The following EARS2 variants were observed in gnomAD, a reference collection of about 807,000 sequenced individuals.
EARS2 encodes the protein glutamyl-tRNA synthetase 2, mitochondrial, also known as nondiscriminating glutamyl-tRNA synthetase EARS2, mitochondrial.
In EARS2, 50 loss-of-function variants were observed where a neutral mutation model predicts 54.1. That is an observed-to-expected ratio of 0.92 (90% CI 0.74 to 1.17). EARS2 has a LOEUF of 1.17. Ranked by LOEUF, EARS2 falls within the 50% of genes most tolerant of loss-of-function variation. EARS2 has a pLI of 0.00. For missense variants in EARS2, 673 were observed against 675.0 expected, an observed-to-expected ratio of 1.00 and a Z score of 0.03; for synonymous variants, 298 against 281.0, an observed-to-expected ratio of 1.06 and a Z score of -0.61.
chr16:23,528,965 G>A (rs112366624), intron 7 of EARS2, among the ~76,000 whole-genome samples: 2,240 of 152,306 alleles, frequency 0.015, 23 homozygotes, highest in South Asian at 0.019. Flanking sequence ...CAGCATCGGC[G>A]AGTAGGGGCA....
chr16:23,526,302 G>A (rs916705270), intron 7 of EARS2, among the ~76,000 whole-genome samples: 3 of 151,914 alleles, frequency 2.0e-5, no homozygotes, highest in African/African-American at 7.3e-5. Context: ...AGTAGAGACA[G>A]GGTTTTACCA....
chr16:23,521,109 A>T lies in EARS2; in HGVS notation c.*3262T>A, dbSNP rs549035987. Among the ~76,000 whole-genome samples the T allele has an allele frequency of 1.3e-5, 2 of 152,248 alleles. No homozygotes were observed. The highest frequency in any genetic ancestry group is 2.4e-5 in the African/African-American group (1 of 41,558). On this transcript the variant is annotated 3_prime_UTR_variant, in exon 9 of 9. Coordinates refer to ENST00000449606, the MANE Select transcript of EARS2 (RefSeq NM_001083614.2). ...GCCCAGCTCTAATTTAGTATTTTTT[A>T]AAAACTGTGGTAAAATACAGAAAAA...
chr16:23,542,543 T>C (rs993989083), intron 3 of EARS2, among the ~76,000 whole-genome samples: 2 of 151,080 alleles, frequency 1.3e-5, no homozygotes, highest in Non-Finnish European at 3.0e-5. Flanking sequence ...CCTGAACTCT[T>C]GACCTCGTGA....
chr16:23,533,247 G>A (rs1965356168), intron 4 of EARS2, among the ~76,000 whole-genome samples: 1 of 152,160 alleles, frequency 6.6e-6, no homozygotes, highest in African/African-American at 2.4e-5. Flanking sequence ...TTGTGCCGTT[G>A]CACTCCAGCC....
Position 23,552,207 on chromosome 16 carries a change from A to T in EARS2, c.237T>A (p.Asp79Glu), listed in dbSNP as rs1965707929. The change falls in exon 2 of 9, where the codon GAT becomes GAA. Residue 79 changes from aspartate (D) to glutamate (E), a missense_variant. Physicochemically the swap from Asp to Glu is conservative, Grantham distance 45. Around this residue, in one of 3 missense-constraint regions of EARS2, gnomAD observed 316 missense variants for 275.2 expected, o/e 1.15. Coordinates refer to ENST00000449606, the MANE Select transcript of EARS2 (RefSeq NM_001083614.2). The stretch of plus-strand genomic sequence containing the variant: ...CTGCCCCAGGCACAACGCGAGTCTG[A>T]TCTGTGTCCTCTAGCCTCAGGATGA... ...GSFILRLEDTDQTRVVPGAAE... is the reference protein window; with the variant it reads ...GSFILRLEDTEQTRVVPGAAE... The T allele has an allele frequency of 6.2e-7, 1 of 1,614,072 alleles. No individual in the cohort carries two copies. Among genetic ancestry groups the T allele is most frequent in the African/African-American group, 1.3e-5 (1 of 74,942 alleles).
intron 3 of EARS2, 112 bp downstream of exon 3, chr16:23,544,401 CT>C (rs1195878420): frequency 8.9e-7 from 1 of 1,121,430 alleles, no homozygotes; most frequent in Non-Finnish European, 1.2e-6. Context: ...GCTCAGATGC[CT>C]GACCCACAGA....
intron 5 of EARS2, 109 bp downstream of exon 5, chr16:23,532,548 C>T (rs1044582587): frequency 1.5e-4 from 104 of 686,978 alleles, no homozygotes; most frequent in Non-Finnish European, 2.4e-4. Flanking sequence ...GTGATTTAGC[C>T]ATGGTCACAC....
intron 1 of EARS2, among the ~76,000 whole-genome samples, chr16:23,554,413 T>C (rs1025487917): frequency 5.3e-5 from 8 of 152,220 alleles, no homozygotes; most frequent in African/African-American, 1.9e-4. Flanking sequence ...CTCCTAAGAT[T>C]TGCCTTTTTC....
At chr16:23,527,007 G>C (rs959799219) in intron 7 of EARS2, among the ~76,000 whole-genome samples, 2 of 151,930 alleles carry the variant, frequency 1.3e-5, no homozygotes, top group African/African-American at 4.8e-5. Context: ...CTGTCACCTA[G>C]GCTGGAATGC....
chr16:23,543,265 T>A lies in EARS2; in HGVS notation c.485+1249A>T, dbSNP rs551301706. 4.8e-5 allele frequency among the ~76,000 whole-genome samples: 7 copies of A among 146,338 alleles called. No individual in the cohort carries two copies. The South Asian group carries it at 6.5e-4, about 14-fold the overall frequency. ...GAGATCCCCATCTTTATGAAAAGTT[T>A]AAAAAAAAAAATTAGCCAGGAGTAC... On this transcript the variant is annotated intron_variant, in intron 3 of 8. Transcript: ENST00000449606.
chr16:23,544,796 T>C, intron 2 of EARS2, 93 bp from the exon 3 acceptor site: 1 of 1,164,976 alleles, frequency 8.6e-7, no homozygotes, highest in Non-Finnish European at 1.2e-6. Flanking sequence ...AAAGCTTTAA[T>C]CCTCATAACA....
intron 7 of EARS2, 114 bp from the exon 8 acceptor site, chr16:23,525,493 C>CA (rs774863780): frequency 1.4e-5 from 18 of 1,244,876 alleles, no homozygotes; most frequent in Non-Finnish European, 1.6e-5. Flanking sequence ...AACCAATGTT[C>CA]AAGCCTGTTT....
intron 3 of EARS2, among the ~76,000 whole-genome samples, chr16:23,535,892 C>T (rs747746586): frequency 1.3e-5 from 2 of 152,168 alleles, no homozygotes; most frequent in Admixed American, 6.5e-5. Context: ...CTTGGACCTG[C>T]GGCAGCTACT....
chr16:23,527,130 T>C (rs1221798698), intron 7 of EARS2, among the ~76,000 whole-genome samples: 2 of 152,054 alleles, frequency 1.3e-5, no homozygotes, highest in Non-Finnish European at 2.9e-5. Context: ...GCCTGGCTAA[T>C]TTTATTTTTA....
intron 8 of EARS2, chr16:23,525,026 A>G (rs1207460020): frequency 3.2e-6 from 2 of 626,072 alleles, no homozygotes; most frequent in African/African-American, 3.7e-5. Flanking sequence ...GAGATTATGT[A>G]TGTGTGTTTA....
upstream of EARS2, chr16:23,557,363 G>A (rs1211046554): frequency 1.3e-6 from 2 of 1,538,298 alleles, no homozygotes. Context: ...AATAGCACAC[G>A]TGGGCTTCTC....
intron 3 of EARS2, among the ~76,000 whole-genome samples, chr16:23,536,682 C>CCT (rs1567382966): frequency 7.9e-5 from 9 of 113,490 alleles, no homozygotes; most frequent in Non-Finnish European, 7.5e-5. Context: ...CTTTTTTTTT[C>CCT]TTTTTTTTTT....
chr16:23,534,821 C>T, intron 4 of EARS2, 67 bp downstream of exon 4: 1 of 1,396,426 alleles, frequency 7.2e-7, no homozygotes, highest in Non-Finnish European at 9.6e-7. Flanking sequence ...GCAGGACTGT[C>T]TGAGCCAAAG....
intron 2 of EARS2, among the ~76,000 whole-genome samples, chr16:23,545,656 T>C (rs1206957072): frequency 2.0e-5 from 3 of 152,164 alleles, no homozygotes; most frequent in African/African-American, 7.2e-5. Flanking sequence ...CACTGCTGTT[T>C]GTGTTACTTA....
Sources: allele counts gnomAD v4.1 joint callset (sites outside exome capture counted in the v4.1 genomes callset), GRCh38; gene constraint gnomAD v4.1.1; regional missense constraint gnomAD v4.1.1; transcripts MANE v1.5; gene names NCBI Gene and HGNC (gene_info 2026-07-23, HGNC 2026-07-21).